PRPF6: variants seen among roughly 807,000 people sequenced by gnomAD.
PRPF6 encodes pre-mRNA-processing factor 6.
Under a neutral mutation model 118.3 loss-of-function variants are expected in PRPF6, and 42 were observed. The observed-to-expected ratio is 0.35, with a 90% confidence interval of 0.28 to 0.46. The LOEUF (loss-of-function observed/expected upper bound fraction) is 0.46. PRPF6 is among the 20% of genes least tolerant of loss of function. The probability of loss-of-function intolerance (pLI) is 1.00; values close to 1 mark genes in which losing one functional copy is unlikely to be tolerated. For missense variants in PRPF6, 662 were observed against 1,255.7 expected, an observed-to-expected ratio of 0.53 and a Z score of 7.15; for synonymous variants, 481 against 485.1, an observed-to-expected ratio of 0.99 and a Z score of 0.11.
chr20:64,017,543 G>A (rs1326772268), intron 12 of PRPF6, among the ~76,000 whole-genome samples: 3 of 149,266 alleles, frequency 2.0e-5, no homozygotes, highest in Middle Eastern at 3.5e-3. Flanking sequence ...GAGCCGCCGC[G>A]CCCGGCCTCC....
chr20:63,997,285 GTTC>G (rs2059144658), intron 6 of PRPF6, among the ~76,000 whole-genome samples: 3 of 131,778 alleles, frequency 2.3e-5, no homozygotes, highest in South Asian at 2.5e-4. Context: ...GCGTCAGCAT[GTTC>G]TTTTTTTTTT....
rs1457363664 is a variant in PRPF6, at chr20:63,991,113, C to T, written c.360-2294C>T. Among the ~76,000 whole-genome samples, 4 of 152,196 alleles carry T rather than the reference C, an allele frequency of 2.6e-5. No individual in the cohort carries two copies. The East Asian group carries it at 7.7e-4, about 29-fold the overall frequency. On this transcript the variant is annotated intron_variant, in intron 3 of 20. Transcript: ENST00000266079. ...ACATTTTAAAAATTGATTGGAACCT[C>T]CAGGGTTAATGCATTTTAAAAAACA...
chr20:64,016,941 T>C, intron 12 of PRPF6, 96 bp downstream of exon 12: 1 of 992,302 alleles, frequency 1.0e-6, no homozygotes, highest in South Asian at 1.9e-5. Flanking sequence ...TTAAAACTCT[T>C]TTTTTTTTTT....
intron 11 of PRPF6, among the ~76,000 whole-genome samples, chr20:64,015,774 A>G (rs563711664): frequency 6.6e-6 from 1 of 152,304 alleles, no homozygotes; most frequent in South Asian, 2.1e-4. Flanking sequence ...CACATGTTTC[A>G]ATGTTGCTCA....
intron 9 of PRPF6, among the ~76,000 whole-genome samples, chr20:64,007,589 C>T (rs2059196598): frequency 6.6e-6 from 1 of 151,814 alleles, no homozygotes; most frequent in Non-Finnish European, 1.5e-5. Context: ...ACCTCTGCCT[C>T]CCAGCTAGCT....
At chr20:64,003,907 G>A (rs1024912205) in intron 9 of PRPF6, among the ~76,000 whole-genome samples, 18 of 152,188 alleles carry the variant, frequency 1.2e-4, no homozygotes, top group Non-Finnish European at 2.4e-4. Context: ...CAGAGACAGC[G>A]TCTTATAATG....
At chr20:63,982,651 A>G (rs965969226) in intron 1 of PRPF6, among the ~76,000 whole-genome samples, 2 of 152,084 alleles carry the variant, frequency 1.3e-5, no homozygotes. Flanking sequence ...CAGGATGGGG[A>G]AAGTGGGAGA....
Position 64,029,569 on chromosome 20 carries a change from T to A in PRPF6, c.2546+78T>A. 7.8e-7 allele frequency: 1 copy of A among 1,278,820 alleles called. No homozygotes were observed. Among genetic ancestry groups the A allele is most frequent in the Non-Finnish European group, 1.1e-6 (1 of 882,760 alleles). The allele number at this position is 1,278,820 out of a possible 1,614,324, so 79.2% of individuals were successfully genotyped here. A position where few individuals can be genotyped will look rare whatever the true frequency, so the allele number is the denominator to read the frequency against. ...TTTCCAGAGTCTGTCTGCCTCTTCC[T>A]GGTCATTGTAAAGATGCCCGGCAGC... On this transcript the variant is annotated intron_variant, in intron 19 of 20. Transcript: ENST00000266079. This position sits in a 1 kb window ranked among gnomAD's most constrained non-coding sequence, Gnocchi z 4.8.
chr20:63,993,665 CCCTT>C (rs2059128525), intron 4 of PRPF6, among the ~76,000 whole-genome samples, 180 bp downstream of exon 4: 1 of 150,064 alleles, frequency 6.7e-6, no homozygotes, highest in South Asian at 2.1e-4. Context: ...TAAAAAAAAA[CCCTT>C]CCCCTACTGT....
At position 64,022,899 on chromosome 20, in the gene PRPF6, G is replaced by A. The variant is rs1298270931; in HGVS notation, c.1769+21G>A. The A allele has an allele frequency of 2.5e-6, 4 of 1,613,732 alleles. No homozygotes were observed. The African/African-American group carries it at 5.3e-5, about 22-fold the overall frequency. ...ACTCGGTATGTGGTGGGACCCGCCT[G>A]CCCAAGGGTGCTAATGAAACCTCCA... On this transcript the variant is annotated intron_variant, in intron 13 of 20. Transcript: ENST00000266079.
intron 1 of PRPF6, among the ~76,000 whole-genome samples, chr20:63,981,932 A>T (rs2059070888): frequency 6.6e-6 from 1 of 152,010 alleles, no homozygotes; most frequent in Non-Finnish European, 1.5e-5. Context: ...ATTGGAGCCA[A>T]GTTTAGTAAG....
intron 9 of PRPF6, among the ~76,000 whole-genome samples, chr20:64,007,694 T>C (rs2059197117): frequency 6.6e-6 from 1 of 152,110 alleles, no homozygotes. Context: ...CTCGAATTCC[T>C]GGGCTCAAGC....
chr20:63,997,761 G>A lies in PRPF6; in HGVS notation c.772-1284G>A, dbSNP rs551997205. On this transcript the variant is annotated intron_variant, in intron 6 of 20. Transcript: ENST00000266079. ...TGATTTTTTTGTATTTTTAGTTAGAGATGGGATTTCACCATGTTGGCCAGG... is the reference window on the plus strand; with the variant it reads ...TGATTTTTTTGTATTTTTAGTTAGAAATGGGATTTCACCATGTTGGCCAGG... Among the ~76,000 whole-genome samples the A allele has an allele frequency of 1.6e-4, 25 of 152,214 alleles. No individual in the cohort carries two copies. In the East Asian group the frequency reaches 4.6e-3, roughly 28 times the overall value.
At chr20:64,016,696 C>G in intron 11 of PRPF6, 27 bp from the exon 12 acceptor site, 1 of 1,613,668 alleles carries the variant, frequency 6.2e-7, no homozygotes, top group Non-Finnish European at 8.5e-7. Flanking sequence ...TCCAAAATCA[C>G]AAATAAGTTT....
At chr20:63,992,062 A>G (rs995656674) in intron 3 of PRPF6, among the ~76,000 whole-genome samples, 6 of 152,042 alleles carry the variant, frequency 3.9e-5, no homozygotes, top group Non-Finnish European at 8.8e-5. Flanking sequence ...GGTAACTAGG[A>G]TAGTTACTGT....
intron 9 of PRPF6, among the ~76,000 whole-genome samples, chr20:64,005,293 A>G (rs1022456572): frequency 6.6e-6 from 1 of 152,208 alleles, no homozygotes; most frequent in Non-Finnish European, 1.5e-5. Context: ...TCGTAAGTTA[A>G]TGACTCCATA....
chr20:64,024,483 G>A lies in PRPF6; in HGVS notation c.1770-72G>A, dbSNP rs1011203136. 1.6e-5 allele frequency: 25 copies of A among 1,591,652 alleles called. No individual in the cohort carries two copies. The East Asian group carries it at 1.8e-4, about 11-fold the overall frequency. On this transcript the variant is annotated intron_variant, in intron 13 of 20. Coordinates refer to ENST00000266079, the MANE Select transcript of PRPF6 (RefSeq NM_012469.4). ...GTAACTGTCTTTCTGGCGTGCCCACGCCATGGCTGAGTGTGATGTGTGTTC... is the reference window on the plus strand; with the variant it reads ...GTAACTGTCTTTCTGGCGTGCCCACACCATGGCTGAGTGTGATGTGTGTTC...
At position 63,989,805 on chromosome 20, in the gene PRPF6, G is replaced by A. The variant is rs1168920131; in HGVS notation, c.360-3602G>A. On this transcript the variant is annotated intron_variant, in intron 3 of 20. Transcript: ENST00000266079. ...TGGGATTACAGACGTGAGCCACTGC[G>A]CCCAGCTCTGTTGCTTTTTATACAT... Among the ~76,000 whole-genome samples the A allele has an allele frequency of 3.3e-5, 5 of 152,052 alleles. No homozygotes were observed. In the South Asian group the frequency reaches 1.0e-3, roughly 32 times the overall value.
intron 9 of PRPF6, among the ~76,000 whole-genome samples, chr20:64,009,935 C>T (rs576480918): frequency 1.1e-4 from 16 of 152,284 alleles, no homozygotes; most frequent in Non-Finnish European, 1.9e-4. Flanking sequence ...GGTTCATTCC[C>T]GTGGTCACTG....
Sources: allele counts gnomAD v4.1 joint callset (sites outside exome capture counted in the v4.1 genomes callset), GRCh38; gene constraint gnomAD v4.1.1; non-coding constraint Gnocchi (gnomAD v3.1); transcripts MANE v1.5; gene names NCBI Gene and HGNC (gene_info 2026-07-23, HGNC 2026-07-21).